Variants in PTPRA observed in about 807,000 individuals in gnomAD.
PTPRA encodes the protein receptor-type tyrosine-protein phosphatase alpha.
A neutral mutation model predicts 104.8 loss-of-function variants in PTPRA; 25 were observed. The ratio of observed to expected loss-of-function variants is 0.24; its 90% CI spans 0.17 to 0.33. PTPRA has a LOEUF of 0.33. Among genes scored for constraint, PTPRA ranks in the 10% least tolerant of loss-of-function variants. PTPRA has a pLI of 1.00. For synonymous variants in PTPRA, 323 were observed against 368.9 expected, an observed-to-expected ratio of 0.88 and a Z score of 1.43; for missense variants, 765 against 1,015.3, an observed-to-expected ratio of 0.75 and a Z score of 3.35.
intron 1 of PTPRA, among the ~76,000 whole-genome samples, chr20:2,912,554 G>T (rs6051469): frequency 0.024 from 3,574 of 152,084 alleles, 118 homozygotes; most frequent in African/African-American, 0.069. Context: ...AGTCCAGGAG[G>T]TGGAGGTTGA....
At chr20:2,958,498 G>A (rs576796357) in intron 3 of PTPRA, among the ~76,000 whole-genome samples, 3 of 151,816 alleles carry the variant, frequency 2.0e-5, no homozygotes, top group African/African-American at 7.2e-5. Flanking sequence ...TCAGTGATAG[G>A]AAAGCACAGG....
At chr20:2,891,688 A>C (rs1471130440) in intron 1 of PTPRA, among the ~76,000 whole-genome samples, 1 of 152,164 alleles carries the variant, frequency 6.6e-6, no homozygotes, top group Non-Finnish European at 1.5e-5. Context: ...GGATCCTGAT[A>C]GTCCAAAAGG....
intron 3 of PTPRA, among the ~76,000 whole-genome samples, chr20:2,957,948 A>AT (rs11480557): frequency 0.02 from 2,848 of 144,336 alleles, 123 homozygotes; most frequent in Admixed American, 0.095. Context: ...GAGTTATTTG[A>AT]TTTTTTTTTT....
At position 2,963,643 on chromosome 20, in the gene PTPRA, A is replaced by G. The variant is rs1050459867; in HGVS notation, c.-6-629A>G. On this transcript the variant is annotated intron_variant, in intron 3 of 23. Transcript: ENST00000399903. ...ATTAAGACTTATTTTTACAGGTTGG[A>G]TATCTCTAATCCCAAAATCTGAAAT... is the stretch of plus-strand genomic sequence containing the variant. Among the ~76,000 whole-genome samples the G allele has an allele frequency of 3.3e-5, 5 of 152,272 alleles. No homozygotes were observed. The South Asian group carries it at 1.0e-3, about 32-fold the overall frequency.
At chr20:3,011,496 C>T (rs1324056351) in intron 11 of PTPRA, among the ~76,000 whole-genome samples, 1 of 152,194 alleles carries the variant, frequency 6.6e-6, no homozygotes, top group Non-Finnish European at 1.5e-5. Context: ...ACATTCAGCC[C>T]AGCCTGGTAA....
intron 6 of PTPRA, among the ~76,000 whole-genome samples, chr20:2,980,985 G>A (rs577520124): frequency 2.6e-5 from 4 of 152,182 alleles, no homozygotes; most frequent in East Asian, 3.9e-4. Flanking sequence ...GCGAGCTGCC[G>A]TTTTCTTTTT....
At chr20:3,015,914 G>A (rs773801948) in intron 12 of PTPRA, 29 bp downstream of exon 12, 1 of 1,539,028 alleles carries the variant, frequency 6.5e-7, no homozygotes, top group Non-Finnish European at 9.0e-7. Context: ...TTTTCTGTTA[G>A]ATTTAACCAT....
intron 20 of PTPRA, among the ~76,000 whole-genome samples, chr20:3,032,131 C>A (rs1226394441): frequency 6.6e-6 from 1 of 152,200 alleles, no homozygotes; most frequent in Non-Finnish European, 1.5e-5. Flanking sequence ...TCCAAGAAAT[C>A]AGACAAGAAC....
intron 13 of PTPRA, among the ~76,000 whole-genome samples, chr20:3,019,780 C>T (rs2064751165): frequency 6.6e-6 from 1 of 152,150 alleles, no homozygotes; most frequent in Non-Finnish European, 1.5e-5. Context: ...CCAGCCTGGG[C>T]ACCATTGAGC....
chr20:3,006,583 A>G (rs1193566794), intron 10 of PTPRA, among the ~76,000 whole-genome samples: 1 of 152,256 alleles, frequency 6.6e-6, no homozygotes, highest in Non-Finnish European at 1.5e-5. Context: ...TTTATAAGTG[A>G]AGTATGGAAC....
At chr20:3,028,354 T>A (rs2065252482) in intron 20 of PTPRA, among the ~76,000 whole-genome samples, 1 of 152,196 alleles carries the variant, frequency 6.6e-6, no homozygotes, top group African/African-American at 2.4e-5. Flanking sequence ...AGTCTAATAT[T>A]CAGTAATAAG....
At chr20:2,945,650 C>T (rs192224567) in intron 2 of PTPRA, among the ~76,000 whole-genome samples, 23 of 151,148 alleles carry the variant, frequency 1.5e-4, no homozygotes, top group Admixed American at 6.0e-4. Flanking sequence ...TATTATAGGC[C>T]GGGTACAGTG....
At chr20:2,865,341 G>T in the PTPRA span, 1 of 1,614,122 alleles carries the variant, frequency 6.2e-7, no homozygotes. The surrounding 1 kb of genome is among the most constrained non-coding windows in gnomAD (Gnocchi z 5.2). Flanking sequence ...CAGGCTGCAT[G>T]TGGGTCCCAG....
intron 20 of PTPRA, among the ~76,000 whole-genome samples, chr20:3,032,816 C>G (rs894188534): frequency 1.1e-4 from 16 of 150,946 alleles, no homozygotes; most frequent in Admixed American, 1.1e-3. Flanking sequence ...TCTGTTCGCT[C>G]TGTTCCTTCC....
chr20:2,921,643 A>G (rs1308411346), intron 1 of PTPRA, among the ~76,000 whole-genome samples: 1 of 152,052 alleles, frequency 6.6e-6, no homozygotes, highest in Non-Finnish European at 1.5e-5. Flanking sequence ...GTGAATGTTA[A>G]TTTATGTGCC....
chr20:2,925,535 T>A (rs2060261462), intron 2 of PTPRA, among the ~76,000 whole-genome samples: 1 of 151,796 alleles, frequency 6.6e-6, no homozygotes, highest in Non-Finnish European at 1.5e-5. Context: ...GGGTGTAGGC[T>A]GAGTGTGGTG....
intron 1 of PTPRA, among the ~76,000 whole-genome samples, chr20:2,922,025 A>T (rs1333210044): frequency 2.0e-5 from 3 of 152,220 alleles, no homozygotes; most frequent in Non-Finnish European, 4.4e-5. Context: ...CCTAGATGCC[A>T]GTAGCCCAGC....
At chr20:2,893,826 A>C (rs1224643231) in intron 1 of PTPRA, among the ~76,000 whole-genome samples, 1 of 152,046 alleles carries the variant, frequency 6.6e-6, no homozygotes, top group African/African-American at 2.4e-5. Context: ...TCTATTCTAG[A>C]TGTGTCTTAT....
At chr20:2,956,354 G>A (rs116931233) in intron 3 of PTPRA, among the ~76,000 whole-genome samples, 143 of 152,152 alleles carry the variant, frequency 9.4e-4, no homozygotes, top group Non-Finnish European at 1.8e-3. Flanking sequence ...TGATATGATC[G>A]CTGCCTCCTC....
Sources: gnomAD v4.1 joint callset for allele counts (sites outside exome capture counted in the v4.1 genomes callset) on GRCh38, gnomAD v4.1.1 for gene constraint, Gnocchi (gnomAD v3.1) non-coding constraint, MANE v1.5 for transcripts, NCBI Gene and HGNC (gene_info 2026-07-23, HGNC 2026-07-21) for gene names.